Variants in ZNF438 observed in about 807,000 individuals in gnomAD.
ZNF438 encodes zinc finger protein 438.
Under a neutral mutation model 38.0 loss-of-function variants are expected in ZNF438, and 25 were observed. The ratio of observed to expected loss-of-function variants is 0.66; its 90% CI spans 0.48 to 0.92. ZNF438 has a LOEUF of 0.92. ZNF438 is among the 40% of genes least tolerant of loss of function. ZNF438 has a pLI of 0.00. For missense variants in ZNF438, 1,007 were observed against 999.6 expected (o/e 1.01, Z -0.10); for synonymous variants, 372 against 364.1 (o/e 1.02, Z -0.25).
chr10:30,877,013 G>C, exon 4 of ZNF438: 1 of 1,605,342 alleles, frequency 6.2e-7, no homozygotes, highest in East Asian at 2.2e-5. Flanking sequence ...TCTTTTGGTG[G>C]TACTGATACA....
intron 1 of ZNF438, chr10:30,999,392 T>C (rs2054417295): frequency 5.9e-5 from 9 of 152,424 alleles, no homozygotes; most frequent in Admixed American, 5.9e-4. Flanking sequence ...ACTCTGACAC[T>C]CCATGGTGAG....
intron 5 of ZNF438, among the ~76,000 whole-genome samples, chr10:30,847,134 G>A (rs2132643979): frequency 6.6e-6 from 1 of 152,332 alleles, no homozygotes; most frequent in South Asian, 2.1e-4. Context: ...GCAGAAAAGG[G>A]GAGGTCCCCG....
In ZNF438 at chr10:31,028,140, C is replaced by CA. The variant is rs767868251; in HGVS notation, c.-192+3692dup. Among the ~76,000 whole-genome samples the CA allele has an allele frequency of 5.1e-3, 742 of 146,754 alleles. 25 individuals carry two copies. The East Asian group carries it at 0.09, about 18-fold the overall frequency. Reference sequence around the variant, plus strand: ...ATATCACCAGATCCCCTTTCTATGACAAAAAAAAAATACATGTCAATGTTA... The same window carrying CA: ...ATATCACCAGATCCCCTTTCTATGACAAAAAAAAAAATACATGTCAATGTTA... On this transcript the variant is annotated intron_variant, in intron 1 of 5. Transcript: ENST00000413025.
exon 6 of ZNF438, chr10:30,845,166 T>C (rs1226579287): frequency 4.3e-6 from 7 of 1,614,082 alleles, no homozygotes; most frequent in Non-Finnish European, 5.9e-6. Context: ...GCCAGGACAC[T>C]CAGGGCCCTG....
At chr10:31,009,091 T>A (rs969308029) in intron 1 of ZNF438, among the ~76,000 whole-genome samples, 1 of 152,218 alleles carries the variant, frequency 6.6e-6, no homozygotes, top group African/African-American at 2.4e-5. Flanking sequence ...CCGTTGCCCA[T>A]TTTAATGGGG....
At chr10:31,029,636 T>A (rs1215501045) in intron 1 of ZNF438, among the ~76,000 whole-genome samples, 1 of 152,206 alleles carries the variant, frequency 6.6e-6, no homozygotes, top group Non-Finnish European at 1.5e-5. Context: ...TTTCACTCCA[T>A]CCGACCCACT....
chr10:30,989,638 C>A (rs888918177), intron 1 of ZNF438, among the ~76,000 whole-genome samples: 1 of 152,082 alleles, frequency 6.6e-6, no homozygotes. Flanking sequence ...ATTAAGGGGG[C>A]GAGAATGTAT....
exon 6 of ZNF438, chr10:30,844,809 TAAGAA>T: frequency 2.0e-6 from 2 of 1,001,928 alleles, no homozygotes; most frequent in Non-Finnish European, 1.4e-6. Flanking sequence ...TTTATTTCGT[TAAGAA>T]AATAAAACCA....
chr10:30,987,564 C>T (rs1332249445), intron 1 of ZNF438, among the ~76,000 whole-genome samples: 2 of 152,060 alleles, frequency 1.3e-5, no homozygotes, highest in Non-Finnish European at 2.9e-5. Flanking sequence ...AGCCCTAATA[C>T]CCAATGTGAT....
chr10:30,961,978 A>C (rs1377191113), intron 1 of ZNF438, among the ~76,000 whole-genome samples: 1 of 146,912 alleles, frequency 6.8e-6, no homozygotes, highest in Non-Finnish European at 1.5e-5. Context: ...GTACTTACAA[A>C]AGCTTGAAAT....
chr10:30,981,909 C>T (rs1435393690), intron 1 of ZNF438, among the ~76,000 whole-genome samples: 1 of 151,642 alleles, frequency 6.6e-6, no homozygotes, highest in Non-Finnish European at 1.5e-5. Context: ...TATATACTAG[C>T]TATTCTTATT....
chr10:30,905,388 A>T (rs7078347), intron 3 of ZNF438, among the ~76,000 whole-genome samples: 1 of 152,056 alleles, frequency 6.6e-6, no homozygotes. Flanking sequence ...TCATGTGCTC[A>T]TTGGCAATTT....
At chr10:31,013,191 C>A (rs2055877395) in intron 1 of ZNF438, among the ~76,000 whole-genome samples, 1 of 152,088 alleles carries the variant, frequency 6.6e-6, no homozygotes, top group Non-Finnish European at 1.5e-5. Context: ...CGGTGGCGGG[C>A]GCCTGTAGTC....
chr10:30,958,249 AAG>A (rs1490654679), intron 1 of ZNF438, among the ~76,000 whole-genome samples: 7 of 147,236 alleles, frequency 4.8e-5, no homozygotes, highest in Admixed American at 2.1e-4. Context: ...AGGTCTTCAG[AAG>A]AGAGTCTTCA....
chr10:30,971,008 C>A lies in ZNF438; in HGVS notation c.-191-29357G>T, dbSNP rs373446962. 1.8e-4 allele frequency among the ~76,000 whole-genome samples: 27 copies of A among 152,318 alleles called. 2 individuals are homozygous for A. The highest frequency in any genetic ancestry group is 5.5e-4 in the African/African-American group (23 of 41,568). On this transcript the variant is annotated intron_variant, in intron 1 of 5. Coordinates refer to ENST00000413025, the Ensembl canonical transcript of ZNF438. ...ACTCTGGGGACTTGGTAAAGGCCAA[C>A]TGCACAAGAATAAAAAGTGTAACAG...
At position 30,988,245 on chromosome 10, in the gene ZNF438, A is replaced by G. The variant is rs191637465; in HGVS notation, c.-192+43588T>C. ...ACTTACCAGGTACCTCATTATCGAC[A>G]TAGAGATTACATTCTCAAATTTAAA... On this transcript the variant is annotated intron_variant, in intron 1 of 5. Transcript: ENST00000413025. 2.3e-3 allele frequency among the ~76,000 whole-genome samples: 355 copies of G among 152,260 alleles called. 3 individuals carry two copies. The highest frequency in any genetic ancestry group is 2.6e-3 in the African/African-American group (109 of 41,578).
intron 2 of ZNF438, among the ~76,000 whole-genome samples, chr10:30,929,815 C>T (rs535965602): frequency 1.3e-5 from 2 of 152,228 alleles, no homozygotes; most frequent in South Asian, 4.2e-4. Flanking sequence ...AAGTCCCCAC[C>T]AGATTAGCTA....
chr10:30,853,545 C>T (rs2034081977), intron 4 of ZNF438, among the ~76,000 whole-genome samples: 1 of 152,234 alleles, frequency 6.6e-6, no homozygotes, highest in Non-Finnish European at 1.5e-5. Context: ...AGACACTCTT[C>T]CCTCAGTAAA....
intron 1 of ZNF438, among the ~76,000 whole-genome samples, chr10:30,942,891 AAAG>A (rs2046966671): frequency 1.3e-5 from 2 of 152,258 alleles, no homozygotes; most frequent in Admixed American, 1.3e-4. Context: ...AAGAAGAGCA[AAAG>A]AAGAGAGCGC....
Sources: allele counts gnomAD v4.1 joint callset (sites outside exome capture counted in the v4.1 genomes callset), GRCh38; gene constraint gnomAD v4.1.1; transcripts MANE v1.5; gene names NCBI Gene and HGNC (gene_info 2026-07-23, HGNC 2026-07-21).